The following SCRN1 variants were observed in gnomAD, a reference collection of about 807,000 sequenced individuals.
The protein encoded by SCRN1 is secernin 1.
Under a neutral mutation model 43.3 loss-of-function variants are expected in SCRN1, and 19 were observed. The observed-to-expected ratio is 0.44, with a 90% CI of 0.31 to 0.64. The LOEUF is 0.64. SCRN1 is among the 30% of genes least tolerant of loss of function. SCRN1 has a pLI of 0.09. For synonymous variants in SCRN1, 183 were observed against 188.9 expected, an observed-to-expected ratio of 0.97 and a Z score of 0.26; for missense variants, 447 against 524.1, an observed-to-expected ratio of 0.85 and a Z score of 1.44.
rs974307880 is a variant in SCRN1 at position 29,965,939 on chromosome 7, T to C, written c.159+2970A>G. On this transcript the variant is annotated intron_variant, in intron 2 of 7. Transcript: ENST00000242059. This position sits in a 1 kb window ranked among gnomAD's most constrained non-coding sequence, Gnocchi z 4.2. ...GTTTATAAATGGCTTTGTGTGATTT[T>C]TGAAGTTAGTATGGCTACTTAACAA... is the stretch of plus-strand genomic sequence containing the variant. 6.6e-6 allele frequency among the ~76,000 whole-genome samples: 1 copy of C among 152,172 alleles called. No individual in the cohort carries two copies. Among genetic ancestry groups the C allele is most frequent in the African/African-American group, 2.4e-5 (1 of 41,444 alleles).
chr7:29,932,595 T>C (rs185900060), intron 6 of SCRN1, among the ~76,000 whole-genome samples: 180 of 127,738 alleles, frequency 1.4e-3, no homozygotes, highest in African/African-American at 5.4e-3. Flanking sequence ...GAGGTTGCAG[T>C]GAGCCGAGAT....
At position 29,972,880 on chromosome 7, in the gene SCRN1, ACAGTTTTC is replaced by A. The variant is rs1400356920; in HGVS notation, c.-1-3820_-1-3813del. Reference sequence around the variant, plus strand: ...AGTGTAGTTAGACTGATGAAGGAGCACAGTTTTCCATTTTATTCAAAACGTAAATTAAT... The same window carrying A: ...AGTGTAGTTAGACTGATGAAGGAGCACATTTTATTCAAAACGTAAATTAAT... On this transcript the variant is annotated intron_variant, in intron 1 of 7. Coordinates refer to ENST00000242059, the MANE Select transcript of SCRN1 (RefSeq NM_014766.5). Among the ~76,000 whole-genome samples, 6 of 152,336 alleles carry A rather than the reference ACAGTTTTC, an allele frequency of 3.9e-5. No homozygotes were observed. In the South Asian group the frequency reaches 1.0e-3, roughly 26 times the overall value.
intron 3 of SCRN1, among the ~76,000 whole-genome samples, chr7:29,951,727 C>T (rs943343171): frequency 2.0e-5 from 3 of 152,138 alleles, no homozygotes; most frequent in African/African-American, 7.2e-5. Context: ...TCACTGAAAA[C>T]GCATTATAAA....
intron 3 of SCRN1, chr7:29,947,413 T>C: frequency 7.0e-7 from 1 of 1,432,072 alleles, no homozygotes; most frequent in Non-Finnish European, 9.4e-7. Flanking sequence ...TGTGCCTCCA[T>C]GGATTAGGAG....
chr7:29,947,307 A>G, intron 3 of SCRN1: 1 of 1,550,794 alleles, frequency 6.4e-7, no homozygotes, highest in Non-Finnish European at 8.7e-7. Context: ...CCGTTCCTGA[A>G]AAGTTAACAC....
At chr7:29,961,008 T>G (rs1447115825) in intron 2 of SCRN1, among the ~76,000 whole-genome samples, 1 of 151,148 alleles carries the variant, frequency 6.6e-6, no homozygotes, top group African/African-American at 2.4e-5. Context: ...AAAGAAAAAA[T>G]CCAGTGTAAT....
intron 3 of SCRN1, 128 bp from the exon 4 acceptor site, chr7:29,944,307 G>C: frequency 6.7e-6 from 5 of 748,290 alleles, no homozygotes; most frequent in Non-Finnish European, 9.0e-6. Flanking sequence ...TAAGTCTGCA[G>C]AACAATAAGC....
At chr7:29,970,891 C>A (rs1766878840) in intron 1 of SCRN1, among the ~76,000 whole-genome samples, 1 of 152,178 alleles carries the variant, frequency 6.6e-6, no homozygotes, top group Non-Finnish European at 1.5e-5. Flanking sequence ...ACTAATACAT[C>A]CATTTTGTTA....
chr7:29,925,868 A>AAAG (rs1562799554), intron 7 of SCRN1, among the ~76,000 whole-genome samples: 1 of 151,772 alleles, frequency 6.6e-6, no homozygotes, highest in Non-Finnish European at 1.5e-5. Context: ...AAAAAAAAAA[A>AAAG]AAAACCCTAG....
At chr7:29,955,458 C>A in intron 2 of SCRN1, 98 bp from the exon 3 acceptor site, 1 of 1,195,096 alleles carries the variant, frequency 8.4e-7, no homozygotes, top group Non-Finnish European at 1.2e-6. Context: ...TAGTTACAAA[C>A]AGAGCCAAAA....
chr7:29,951,944 C>A (rs1329878524), intron 3 of SCRN1, among the ~76,000 whole-genome samples: 1 of 152,160 alleles, frequency 6.6e-6, no homozygotes, highest in African/African-American at 2.4e-5. Context: ...AATAATCAAC[C>A]ACAGTCTAGC....
In SCRN1 at chr7:29,974,682, TTTC is replaced by T. The variant is rs1307090512; in HGVS notation, c.-1-5617_-1-5615del. ...ATTTGTTTACACGATTCTTTCTTTC[TTTC>T]TTTTTTTTTTTTTTTTGAGATGGAG... On this transcript the variant is annotated intron_variant, in intron 1 of 7. Transcript: ENST00000242059. Among the ~76,000 whole-genome samples the T allele has an allele frequency of 3.7e-4, 42 of 112,134 alleles. No individual in the cohort carries two copies. The South Asian group carries it at 9.9e-3, about 26-fold the overall frequency. The allele number at this position is 112,134 out of a possible 152,430, so 73.6% of individuals were successfully genotyped here. A position where few individuals can be genotyped will look rare whatever the true frequency, so the allele number is the denominator to read the frequency against.
chr7:29,950,038 G>A lies in SCRN1; in HGVS notation c.341+5141C>T, dbSNP rs1787868233. ...GTTGCGTGCTTTGCGAGGCTGGTGGGAGCCCCACCCCCTACCAAGTTGGCA... is the reference window on the plus strand; with the variant it reads ...GTTGCGTGCTTTGCGAGGCTGGTGGAAGCCCCACCCCCTACCAAGTTGGCA... On this transcript the variant is annotated intron_variant, in intron 3 of 7. Coordinates refer to ENST00000242059, the MANE Select transcript of SCRN1 (RefSeq NM_014766.5). The surrounding 1 kb of genome is among the most constrained non-coding windows in gnomAD (Gnocchi z 4.5). 6.6e-6 allele frequency among the ~76,000 whole-genome samples: 1 copy of A among 152,092 alleles called. No individual in the cohort carries two copies. Among genetic ancestry groups the A allele is most frequent in the Non-Finnish European group, 1.5e-5 (1 of 68,004 alleles).
At chr7:29,944,203 T>C (rs1310721272) in intron 3 of SCRN1, 24 bp from the exon 4 acceptor site, 3 of 1,608,178 alleles carry the variant, frequency 1.9e-6, no homozygotes, top group African/African-American at 1.3e-5. Flanking sequence ...ACCAGAACCA[T>C]ACTTCAGTCA....
At chr7:29,939,446 C>A (rs1355175183) in intron 5 of SCRN1, among the ~76,000 whole-genome samples, 2 of 152,124 alleles carry the variant, frequency 1.3e-5, no homozygotes, top group African/African-American at 2.4e-5. Context: ...GAACTCCTAG[C>A]CTCAAGTGAT....
rs771207512 is a variant in SCRN1, at chr7:29,955,256, C to T, written c.264G>A (p.Val88=). Residue 88 remains valine (V), a synonymous_variant, in exon 3 of 8, where the codon GTG becomes GTA. Coordinates refer to ENST00000242059, the MANE Select transcript of SCRN1 (RefSeq NM_014766.5). ...TGTTGATGGCTTCATTGGCTATGCA[C>T]ACTCCATGTTCATTGGCTCCCATTT... ...GAEMGANEHG[V]CIANEAINTR... The T allele has an allele frequency of 4.8e-5, 77 of 1,614,032 alleles. No homozygotes were observed. Among genetic ancestry groups the T allele is most frequent in the Non-Finnish European group, 6.4e-5 (76 of 1,180,032 alleles).
chr7:29,954,062 G>T (rs1188556775), intron 3 of SCRN1, among the ~76,000 whole-genome samples: 2 of 152,104 alleles, frequency 1.3e-5, no homozygotes, highest in East Asian at 3.8e-4. Flanking sequence ...ATGTTGCTTT[G>T]TTCCAGCCTA....
At position 29,930,071 on chromosome 7, in the gene SCRN1, TC is replaced by T. The variant is rs34409914; in HGVS notation, c.906-3440del. The stretch of plus-strand genomic sequence containing the variant: ...AAATATTCTAAAGCAGCCAAAGCTC[TC>T]CAAATATTTTTTCAAAGCTTAGTAT... On this transcript the variant is annotated intron_variant, in intron 6 of 7. Transcript: ENST00000242059. Among the ~76,000 whole-genome samples, 27 of 152,308 alleles carry T rather than the reference TC, an allele frequency of 1.8e-4. No individual in the cohort carries two copies. The East Asian group carries it at 3.7e-3, about 21-fold the overall frequency.
chr7:29,927,355 C>T (rs189637746), intron 6 of SCRN1, among the ~76,000 whole-genome samples: 1 of 100,932 alleles, frequency 9.9e-6, no homozygotes, highest in South Asian at 4.3e-4. Flanking sequence ...ATCACCCCCC[C>T]ACCCACCCAC....
Sources: allele counts gnomAD v4.1 joint callset (sites outside exome capture counted in the v4.1 genomes callset), GRCh38; gene constraint gnomAD v4.1.1; non-coding constraint Gnocchi (gnomAD v3.1); transcripts MANE v1.5; gene names NCBI Gene and HGNC (gene_info 2026-07-23, HGNC 2026-07-21).